HM13: variants seen among roughly 807,000 people sequenced by gnomAD.
HM13 encodes the protein signal peptide peptidase.
HM13 carries 18 observed loss-of-function variants against 50.0 expected under a neutral mutation model. The ratio of observed to expected loss-of-function variants is 0.36; its 90% CI spans 0.25 to 0.53. The LOEUF (loss-of-function observed/expected upper bound fraction) is 0.53, where lower values mean the gene tolerates loss of function less well. Ranked by LOEUF, HM13 falls within the 20% of genes least tolerant of loss-of-function variation. The probability of loss-of-function intolerance (pLI) is 0.90; values close to 1 mark genes in which losing one functional copy is unlikely to be tolerated. For synonymous variants in HM13, 197 were observed against 232.6 expected, an observed-to-expected ratio of 0.85 and a Z score of 1.39; for missense variants, 393 against 552.4, an observed-to-expected ratio of 0.71 and a Z score of 2.89.
rs1985123798 is a variant in HM13, at chr20:31,569,230, G to GC, written c.*14dup. The GC allele has an allele frequency of 1.3e-6, 2 of 1,543,578 alleles. No individual in the cohort carries two copies. The highest frequency in any genetic ancestry group is 2.8e-5 in the African/African-American group (2 of 71,688). Reference sequence around the variant, plus strand: ...AAGAAAGAGAAATGATGCAGCTGGTGCCCGAGCCTCTCAGGGCCAGACCAG... The same window carrying GC: ...AAGAAAGAGAAATGATGCAGCTGGTGCCCCGAGCCTCTCAGGGCCAGACCAG... On this transcript the variant is annotated 3_prime_UTR_variant, in exon 13 of 13. Transcript: ENST00000398174.
chr20:31,532,176 C>T (rs1022637665), intron 2 of HM13, among the ~76,000 whole-genome samples: 1 of 151,924 alleles, frequency 6.6e-6, no homozygotes, highest in African/African-American at 2.4e-5. Context: ...CCTGTAATCC[C>T]AGCACTTTGG....
chr20:31,554,125 A>C (rs977291379), intron 7 of HM13, among the ~76,000 whole-genome samples: 2 of 152,152 alleles, frequency 1.3e-5, no homozygotes, highest in Non-Finnish European at 2.9e-5. Context: ...ATTGCCCTGC[A>C]TCCTCTCACG....
Position 31,544,999 on chromosome 20 carries a change from C to A in HM13, c.418C>A (p.Leu140Met). 6.2e-7 allele frequency: 1 copy of A among 1,614,230 alleles called. No homozygotes were observed. The highest frequency in any genetic ancestry group is 2.2e-5 in the East Asian group (1 of 44,892). Residue 140 changes from leucine (L) to methionine (M), a missense_variant, in exon 4 of 13, where the codon CTG becomes ATG. By Grantham distance (15) the Leu-to-Met change is conservative (BLOSUM62 2). This residue lies in a region of HM13 where 214 missense variants were observed against 276.1 expected (regional missense o/e 0.77). Coordinates refer to ENST00000398174, the MANE Select transcript of HM13 (RefSeq NM_178581.3). ...PASFPNRQYQ[L>M]LFTQGSGENK... ...CAGCTTTCCAAATCGACAGTACCAG[C>A]TGCTCTTCACACAGGGTTCTGGGGA...
At chr20:31,554,858 A>G in intron 8 of HM13, 29 bp downstream of exon 8, 1 of 1,558,014 alleles carries the variant, frequency 6.4e-7, no homozygotes, top group Non-Finnish European at 8.9e-7. Context: ...GGGCTATGTG[A>G]AAGGGGTGGA....
rs574210945 is a variant in HM13 at position 31,538,414 on chromosome 20, G to C, written c.365+153G>C. 1,591 of 1,489,278 alleles carry C rather than the reference G, an allele frequency of 1.1e-3. 2 individuals carry two copies. The highest frequency in any genetic ancestry group is 1.2e-3 in the Non-Finnish European group (1,354 of 1,109,500). 92.3% of individuals were successfully genotyped at this position (1,489,278 alleles called of 1,614,324 possible). A position where few individuals can be genotyped will look rare whatever the true frequency, so the allele number is the denominator to read the frequency against. The stretch of plus-strand genomic sequence containing the variant: ...ACTCTTTCCCCTGCACACTGTAGAT[G>C]ACTAGGACAAGAACAATGACCTCTC... On this transcript the variant is annotated intron_variant, in intron 3 of 12. Transcript: ENST00000398174.
At chr20:31,527,895 C>G in intron 2 of HM13, 1 of 219,634 alleles carries the variant, frequency 4.6e-6, no homozygotes, top group Non-Finnish European at 8.7e-6. Context: ...ATACTAATGG[C>G]CTTTTTTTTT....
At chr20:31,551,275 C>A (rs543274068) in intron 7 of HM13, among the ~76,000 whole-genome samples, 1 of 152,246 alleles carries the variant, frequency 6.6e-6, no homozygotes, top group South Asian at 2.1e-4. Flanking sequence ...ACCCTCTCTT[C>A]ACCAAGAGCC....
At chr20:31,562,741 C>T (rs1358235413) in intron 10 of HM13, 2 of 152,180 alleles carry the variant, frequency 1.3e-5, no homozygotes, top group Non-Finnish European at 2.9e-5. Context: ...TCATTTAGTC[C>T]TAGTACAGTA....
At chr20:31,560,807 T>C (rs1984559108) in intron 9 of HM13, among the ~76,000 whole-genome samples, 1 of 152,134 alleles carries the variant, frequency 6.6e-6, no homozygotes, top group African/African-American at 2.4e-5. Context: ...TCAAGATAGG[T>C]GAGTTCTCAA....
chr20:31,550,061 T>C lies in HM13; in HGVS notation c.667-3T>C. The C allele has an allele frequency of 6.2e-7, 1 of 1,612,804 alleles. No individual in the cohort carries two copies. The highest frequency in any genetic ancestry group is 2.2e-5 in the East Asian group (1 of 44,850). On this transcript the variant is annotated splice_polypyrimidine_tract_variant and splice_region_variant and intron_variant, in intron 6 of 12. Transcript: ENST00000398174. The stretch of plus-strand genomic sequence containing the variant: ...TCATACTGCTCTTTTTTTCTCCTTC[T>C]AGGTATTTGGCACCAATGTGATGGT...
chr20:31,566,308 G>T lies in HM13; in HGVS notation c.1034+13G>T, dbSNP rs200908954. The T allele has an allele frequency of 2.5e-6, 4 of 1,609,100 alleles. No homozygotes were observed. Among genetic ancestry groups the T allele is most frequent in the South Asian group, 1.1e-5 (1 of 90,966 alleles). ...CAGAGATGTTCAGGTAAGGCAGAGTGGGGGGCAGATGTCCTCATGGGCACC... is the reference window on the plus strand; with the variant it reads ...CAGAGATGTTCAGGTAAGGCAGAGTTGGGGGCAGATGTCCTCATGGGCACC... On this transcript the variant is annotated intron_variant, in intron 11 of 12. Coordinates refer to ENST00000398174, the MANE Select transcript of HM13 (RefSeq NM_178581.3).
At chr20:31,520,972 C>T (rs116635027) in intron 1 of HM13, among the ~76,000 whole-genome samples, 2,075 of 152,294 alleles carry the variant, frequency 0.014, 58 homozygotes, top group African/African-American at 0.046. Context: ...GCTTTTGTTT[C>T]CGCTCTGATA....
chr20:31,553,048 A>C (rs1471552399), intron 7 of HM13, among the ~76,000 whole-genome samples: 3 of 152,162 alleles, frequency 2.0e-5, no homozygotes. Flanking sequence ...CTGTAATCCC[A>C]GCACTTTGGG....
intron 2 of HM13, among the ~76,000 whole-genome samples, chr20:31,530,825 A>G (rs529787231): frequency 5.3e-5 from 8 of 152,170 alleles, no homozygotes; most frequent in Non-Finnish European, 8.8e-5. Context: ...CTTCATACAC[A>G]TAATTTGTGC....
chr20:31,532,286 G>A (rs1404486836), intron 2 of HM13, among the ~76,000 whole-genome samples: 1 of 152,126 alleles, frequency 6.6e-6, no homozygotes, highest in Admixed American at 6.6e-5. Flanking sequence ...CTATCAGGGT[G>A]TGGTGGCACA....
At chr20:31,562,280 C>CT (rs1984659548) in intron 10 of HM13, 1 of 161,168 alleles carries the variant, frequency 6.2e-6, no homozygotes. Flanking sequence ...TCAGTGTGGC[C>CT]TGGAGAGGGG....
intron 4 of HM13, chr20:31,547,884 A>G (rs1380520874): frequency 3.0e-6 from 3 of 1,015,320 alleles, no homozygotes; most frequent in African/African-American, 1.6e-5. Flanking sequence ...ACCCTGCTGC[A>G]GTAGATACGA....
intron 3 of HM13, 134 bp downstream of exon 3, chr20:31,538,395 T>G: frequency 6.5e-7 from 1 of 1,545,540 alleles, no homozygotes; most frequent in Non-Finnish European, 8.8e-7. Flanking sequence ...AGGGACTCTT[T>G]CCCCTGCACA....
intron 9 of HM13, among the ~76,000 whole-genome samples, chr20:31,560,541 C>T (rs573486397): frequency 6.6e-6 from 1 of 152,278 alleles, no homozygotes; most frequent in Admixed American, 6.5e-5. Flanking sequence ...CTCACAGTCA[C>T]CTTTGGAAGA....
Sources: gnomAD v4.1 joint callset for allele counts (sites outside exome capture counted in the v4.1 genomes callset) on GRCh38, gnomAD v4.1.1 for gene constraint, gnomAD v4.1.1 regional missense constraint, MANE v1.5 for transcripts, NCBI Gene and HGNC (gene_info 2026-07-23, HGNC 2026-07-21) for gene names.